The following KIT variants were observed in gnomAD, a reference collection of about 807,000 sequenced individuals.
KIT encodes the protein KIT proto-oncogene, receptor tyrosine kinase, also known as mast/stem cell growth factor receptor Kit.
In KIT, 16 loss-of-function variants were observed where a neutral mutation model predicts 105.7. The observed-to-expected ratio is 0.15, with a 90% CI of 0.10 to 0.23. KIT has a LOEUF of 0.23. Ranked by LOEUF, KIT falls within the 10% of genes least tolerant of loss-of-function variation. The probability of loss-of-function intolerance (pLI) is 1.00; values close to 1 mark genes in which losing one functional copy is unlikely to be tolerated. For synonymous variants in KIT, 438 were observed against 441.1 expected, an observed-to-expected ratio of 0.99 and a Z score of 0.09; for missense variants, 858 against 1,213.8, an observed-to-expected ratio of 0.71 and a Z score of 4.36.
intron 9 of KIT, among the ~76,000 whole-genome samples, chr4:54,726,822 G>A (rs1722248296): frequency 6.6e-6 from 1 of 151,056 alleles, no homozygotes; most frequent in South Asian, 2.1e-4. Context: ...CATGCTCAGT[G>A]TAGAAAATTT....
chr4:54,709,872 T>C (rs1185427662), intron 7 of KIT, among the ~76,000 whole-genome samples: 1 of 152,210 alleles, frequency 6.6e-6, no homozygotes, highest in Non-Finnish European at 1.5e-5. Context: ...AGTGGTTGAA[T>C]AGGAGCTGAA....
chr4:54,733,215 A>G, intron 17 of KIT, 23 bp downstream of exon 17: 1 of 1,609,862 alleles, frequency 6.2e-7, no homozygotes, highest in Non-Finnish European at 8.5e-7. Flanking sequence ...TCTCTGCTTG[A>G]CAGTCCTGCA....
chr4:54,659,626 A>AG (rs1717095734), intron 1 of KIT, among the ~76,000 whole-genome samples: 1 of 152,224 alleles, frequency 6.6e-6, no homozygotes, highest in Admixed American at 6.5e-5. Flanking sequence ...CCTGTGCAGC[A>AG]GGAGGGGTCA....
Position 54,732,002 on chromosome 4 carries a change from A to G in KIT, c.2361+4A>G, listed in dbSNP as rs763362744. On this transcript the variant is annotated splice_donor_region_variant and intron_variant, in intron 16 of 20. Coordinates refer to ENST00000288135, the MANE Select transcript of KIT (RefSeq NM_000222.3). ...GGCTTTCCTCGCCTCCAAGAATGTA[A>G]GTGGGAGTGATTCTCTAAAGAGTTT... 6.2e-7 allele frequency: 1 copy of G among 1,610,438 alleles called. No homozygotes were observed. The highest frequency in any genetic ancestry group is 1.7e-5 in the Admixed American group (1 of 59,866).
In KIT at chr4:54,715,350, G is replaced by A. The variant is rs566191129; in HGVS notation, c.1231+5811G>A. Among the ~76,000 whole-genome samples, 19 of 140,076 alleles carry A rather than the reference G, an allele frequency of 1.4e-4. No individual in the cohort carries two copies. In the South Asian group the frequency reaches 3.2e-3, roughly 24 times the overall value. 91.9% of individuals were successfully genotyped at this position (140,076 alleles called of 152,430 possible). A position where few individuals can be genotyped will look rare whatever the true frequency, so the allele number is the denominator to read the frequency against. ...AGAAATGATCCCAGGTAGACTATCAGTGCATTTGTGTTGCTGTTAAAAAAA... is the reference window on the plus strand; with the variant it reads ...AGAAATGATCCCAGGTAGACTATCAATGCATTTGTGTTGCTGTTAAAAAAA... On this transcript the variant is annotated intron_variant, in intron 7 of 20. Transcript: ENST00000288135.
chr4:54,718,624 A>C (rs940572763), intron 7 of KIT, among the ~76,000 whole-genome samples: 2 of 152,212 alleles, frequency 1.3e-5, no homozygotes, highest in African/African-American at 4.8e-5. Flanking sequence ...TAAAATATTT[A>C]CCTGAAATAT....
chr4:54,730,729 A>T (rs1722533096), intron 14 of KIT, among the ~76,000 whole-genome samples: 1 of 152,112 alleles, frequency 6.6e-6, no homozygotes, highest in Non-Finnish European at 1.5e-5. Flanking sequence ...ACTCTGAAGG[A>T]GATTGTTGTC....
At position 54,701,679 on chromosome 4, in the gene KIT, C is replaced by G. The variant is rs187900641; in HGVS notation, c.756+1913C>G. Among the ~76,000 whole-genome samples, 11 of 152,238 alleles carry G rather than the reference C, an allele frequency of 7.2e-5. No homozygotes were observed. The East Asian group carries it at 2.1e-3, about 29-fold the overall frequency. ...TTCAGCGCTGACAAGTTCAGAGTTC[C>G]TGTTTGAGTTCTGTTGTGGACTCTT... On this transcript the variant is annotated intron_variant, in intron 4 of 20. Coordinates refer to ENST00000288135, the MANE Select transcript of KIT (RefSeq NM_000222.3).
intron 17 of KIT, among the ~76,000 whole-genome samples, chr4:54,734,256 C>T (rs1722783413): frequency 6.6e-6 from 1 of 152,154 alleles, no homozygotes; most frequent in Non-Finnish European, 1.5e-5. Flanking sequence ...CGCCTCCAGG[C>T]CCAGTCTTGA....
At chr4:54,712,634 C>T (rs1553889579) in intron 7 of KIT, among the ~76,000 whole-genome samples, 2 of 152,164 alleles carry the variant, frequency 1.3e-5, no homozygotes, top group Non-Finnish European at 1.5e-5. Context: ...TTTGCCATTC[C>T]AGCAGGCTCA....
Position 54,727,771 on chromosome 4 carries a change from A to T in KIT, c.1775-52A>T, listed in dbSNP as rs145443303. 5.3e-4 allele frequency: 773 copies of T among 1,454,282 alleles called. 2 individuals are homozygous for T. The African/African-American group carries it at 9.6e-3, about 18-fold the overall frequency. The allele number at this position is 1,454,282 out of a possible 1,614,324, so 90.1% of individuals were successfully genotyped here. ...TTTGAAACTGCACAAATGGTCCTTCAATTCCACCACCAGCACCATCACCAC... is the reference window on the plus strand; with the variant it reads ...TTTGAAACTGCACAAATGGTCCTTCTATTCCACCACCAGCACCATCACCAC... On this transcript the variant is annotated intron_variant, in intron 11 of 20. Transcript: ENST00000288135.
At chr4:54,660,575 G>T (rs1013623694) in intron 1 of KIT, among the ~76,000 whole-genome samples, 2 of 151,936 alleles carry the variant, frequency 1.3e-5, no homozygotes, top group East Asian at 3.9e-4. Flanking sequence ...CTTAAGTTTC[G>T]TATGACATGT....
At chr4:54,701,659 C>T (rs921118044) in intron 4 of KIT, among the ~76,000 whole-genome samples, 3 of 152,084 alleles carry the variant, frequency 2.0e-5, no homozygotes, top group South Asian at 2.1e-4. Context: ...TTCCTTTCAG[C>T]GCTGACAAGT....
rs1365630101 is a variant in KIT at position 54,698,368 on chromosome 4, C to T, written c.422C>T (p.Pro141Leu). Residue 141 changes from proline to leucine, a missense_variant, in exon 3 of 21, where the codon CCA (proline) becomes CTA (leucine). Pro to Leu is a moderately conservative substitution (Grantham distance 98). Coordinates refer to ENST00000288135, the MANE Select transcript of KIT (RefSeq NM_000222.3). ...CTGGTCCGCTGTCCTCTCACAGACC[C>T]AGAAGTGACCAATTATTCCCTCAAG... Reference protein sequence around the residue: ...DTLVRCPLTDPEVTNYSLKGC... With the variant: ...DTLVRCPLTDLEVTNYSLKGC... 1.2e-6 allele frequency: 2 copies of T among 1,614,028 alleles called. No homozygotes were observed. Among genetic ancestry groups the T allele is most frequent in the Admixed American group, 3.3e-5 (2 of 60,004 alleles).
At chr4:54,715,977 T>G (rs1162967009) in intron 7 of KIT, among the ~76,000 whole-genome samples, 1 of 152,224 alleles carries the variant, frequency 6.6e-6, no homozygotes, top group African/African-American at 2.4e-5. Flanking sequence ...TTCAACTTTT[T>G]TGGAAGATGG....
At chr4:54,713,241 A>C (rs1043022247) in intron 7 of KIT, among the ~76,000 whole-genome samples, 4 of 152,084 alleles carry the variant, frequency 2.6e-5, no homozygotes, top group Non-Finnish European at 5.9e-5. Context: ...ACCCGTGTAT[A>C]GTCTTTATCC....
In KIT at chr4:54,739,530, T is replaced by TTC. The variant is rs1437669373; in HGVS notation, c.*974_*975dup. 1 of 233,422 alleles carries TTC rather than the reference T, an allele frequency of 4.3e-6. No homozygotes were observed. Among genetic ancestry groups the TTC allele is most frequent in the Non-Finnish European group, 8.5e-6 (1 of 117,912 alleles). The allele number at this position is 233,422 out of a possible 1,614,324, so 14.5% of individuals were successfully genotyped here. ...TGATGCTGTTTGACAAAGTTACTGA[T>TTC]TCACTGCATGGCTCCCACAGGAGTG... is the stretch of plus-strand genomic sequence containing the variant. On this transcript the variant is annotated 3_prime_UTR_variant, in exon 21 of 21. Coordinates refer to ENST00000288135, the MANE Select transcript of KIT (RefSeq NM_000222.3).
intron 1 of KIT, among the ~76,000 whole-genome samples, chr4:54,667,628 G>A (rs1449586041): frequency 1.3e-5 from 2 of 152,142 alleles, no homozygotes; most frequent in South Asian, 2.1e-4. Context: ...CTCTGCTCCC[G>A]CCGACAGAAC....
At chr4:54,732,781 T>C (rs768144329) in intron 16 of KIT, among the ~76,000 whole-genome samples, 8 of 152,162 alleles carry the variant, frequency 5.3e-5, no homozygotes, top group Non-Finnish European at 1.0e-4. Flanking sequence ...TTAAACAATA[T>C]GATATGACTA....
Sources: gnomAD v4.1 joint callset for allele counts (sites outside exome capture counted in the v4.1 genomes callset) on GRCh38, gnomAD v4.1.1 for gene constraint, MANE v1.5 for transcripts, NCBI Gene and HGNC (gene_info 2026-07-23, HGNC 2026-07-21) for gene names.